PLAGL1: variants seen among roughly 807,000 people sequenced by gnomAD.
PLAGL1 encodes the protein PLAG1 like zinc finger 1, also known as zinc finger protein PLAGL1.
In PLAGL1, 1 loss-of-function variant was observed where a neutral mutation model predicts 4.6. That is an observed-to-expected ratio of 0.22 (90% CI 0.08 to 1.03). PLAGL1 has a LOEUF of 1.03. Ranked by LOEUF, PLAGL1 falls within the 50% of genes least tolerant of loss-of-function variation. PLAGL1 has a pLI of 0.58. For missense variants in PLAGL1, 464 were observed against 570.4 expected, an observed-to-expected ratio of 0.81 and a Z score of 1.90; for synonymous variants, 240 against 237.8, an observed-to-expected ratio of 1.01 and a Z score of -0.08.
Position 143,942,042 on chromosome 6 carries a change from A to C in PLAGL1, c.774T>G (p.Ala258=). 13 of 1,607,408 alleles carry C rather than the reference A, an allele frequency of 8.1e-6. No homozygotes were observed. The highest frequency in any genetic ancestry group is 1.1e-5 in the Non-Finnish European group (13 of 1,176,590). Residue 258 remains alanine (A), a synonymous_variant, in exon 8 of 8, where the codon GCT becomes GCG. Transcript: ENST00000674357. The surrounding 1 kb of genome is among the most constrained non-coding windows in gnomAD (Gnocchi z 7.6). The stretch of plus-strand genomic sequence containing the variant: ...GACTGAGGGTGAGGCTATGGACCTC[A>C]GCTGGCAAGCTACTTGCAAGCCCGT... ...AQNGLASSLP[A]EVHSLTLSPP...
At chr6:144,010,520 C>T (rs939136811), upstream of PLAGL1, among the ~76,000 whole-genome samples, 3 of 152,136 alleles carry the variant, frequency 2.0e-5, no homozygotes, top group Non-Finnish European at 4.4e-5. This position sits in a 1 kb window ranked among gnomAD's most constrained non-coding sequence, Gnocchi z 4.1. Flanking sequence ...ATGAAAATTG[C>T]CATACTGCCC....
chr6:143,993,830 T>C (rs769135142), intron 1 of PLAGL1, among the ~76,000 whole-genome samples: 1 of 152,132 alleles, frequency 6.6e-6, no homozygotes, highest in African/African-American at 2.4e-5. Context: ...TCTAGGGCTG[T>C]GTTTACTAGC....
intron 1 of PLAGL1, among the ~76,000 whole-genome samples, chr6:144,026,012 T>A (rs1055984674): frequency 6.6e-6 from 1 of 152,216 alleles, no homozygotes; most frequent in Non-Finnish European, 1.5e-5. Flanking sequence ...CAACTAATAA[T>A]GGACAAAATC....
Position 144,036,763 on chromosome 6 carries a change from C to T in PLAGL1, c.-151+27705G>A. On this transcript the variant is annotated intron_variant, in intron 1 of 3. Transcript: ENST00000437412. This position sits in a 1 kb window ranked among gnomAD's most constrained non-coding sequence, Gnocchi z 5.1. Reference sequence around the variant, plus strand: ...ATTGTGCAACTTCCAGAAAACTGCTCTAAGACAAGCAAGAAGGCAGACCTG... The same window carrying T: ...ATTGTGCAACTTCCAGAAAACTGCTTTAAGACAAGCAAGAAGGCAGACCTG... 1 of 330,692 alleles carries T rather than the reference C, an allele frequency of 3.0e-6. No individual in the cohort carries two copies. The highest frequency in any genetic ancestry group is 2.2e-5 in the African/African-American group (1 of 44,524). The allele number at this position is 330,692 out of a possible 1,614,324, so 20.5% of individuals were successfully genotyped here.
At position 144,005,929 on chromosome 6, in the gene PLAGL1, T is replaced by C. The variant is rs1794075545; in HGVS notation, c.-584+2161A>G. The C allele has an allele frequency of 6.6e-6, 1 of 152,134 alleles. No individual in the cohort carries two copies. The highest frequency in any genetic ancestry group is 2.1e-4 in the South Asian group (1 of 4,832). 9.4% of individuals were successfully genotyped at this position (152,134 alleles called of 1,614,324 possible). Reference sequence around the variant, plus strand: ...TGAAAGTCTGTAAAGTTCTGTGATTTTTATATACTTTTTAGTATTTCGTTT... The same window carrying C: ...TGAAAGTCTGTAAAGTTCTGTGATTCTTATATACTTTTTAGTATTTCGTTT... On this transcript the variant is annotated intron_variant, in intron 1 of 7. Transcript: ENST00000674357. The surrounding 1 kb of genome is among the most constrained non-coding windows in gnomAD (Gnocchi z 4.6).
chr6:144,027,261 A>AAGAC lies in PLAGL1; in HGVS notation c.-151+37206_-151+37207insGTCT, dbSNP rs1796430976. ...AAAGAAAGAAAGAAAGAAAGAAAGA[A>AAGAC]AGAAAGAAAGAAAGAAAGAAAGAAA... On this transcript the variant is annotated intron_variant, in intron 1 of 3. Coordinates refer to the PLAGL1 transcript ENST00000437412. This position sits in a 1 kb window ranked among gnomAD's most constrained non-coding sequence, Gnocchi z 5.8. Among the ~76,000 whole-genome samples the AAGAC allele has an allele frequency of 6.9e-6, 1 of 145,844 alleles. No homozygotes were observed. The highest frequency in any genetic ancestry group is 1.5e-5 in the Non-Finnish European group (1 of 66,328).
chr6:143,957,301 G>A lies in PLAGL1; in HGVS notation c.-325+3168C>T, dbSNP rs541243711. On this transcript the variant is annotated intron_variant, in intron 6 of 7. Transcript: ENST00000674357. This position sits in a 1 kb window ranked among gnomAD's most constrained non-coding sequence, Gnocchi z 4.2. ...AATGAAGACTCTCAGGAGTCTGGTG[G>A]GGGGGTGAGGGGTGGAGAGCAACTC... 5.9e-5 allele frequency among the ~76,000 whole-genome samples: 2 copies of A among 33,854 alleles called. No individual in the cohort carries two copies. Among genetic ancestry groups the A allele is most frequent in the Non-Finnish European group, 2.0e-4 (2 of 10,064 alleles). 22.2% of individuals were successfully genotyped at this position (33,854 alleles called of 152,430 possible).
chr6:143,974,467 T>C (rs1217823454), intron 2 of PLAGL1, among the ~76,000 whole-genome samples: 2 of 152,020 alleles, frequency 1.3e-5, no homozygotes, highest in Admixed American at 6.6e-5. Flanking sequence ...TCAAAGATGC[T>C]ATTTTGTATA....
chr6:144,014,422 C>T (rs1795427412), intron 1 of PLAGL1, among the ~76,000 whole-genome samples: 1 of 151,866 alleles, frequency 6.6e-6, no homozygotes, highest in Non-Finnish European at 1.5e-5. Context: ...GAGCAAGACT[C>T]TGTCTCAAAA....
At chr6:144,025,792 C>A (rs1434906321) in intron 1 of PLAGL1, among the ~76,000 whole-genome samples, 1 of 152,140 alleles carries the variant, frequency 6.6e-6, no homozygotes, top group Non-Finnish European at 1.5e-5. Context: ...ACTCAGGAGG[C>A]TGAGGCAGGA....
Position 144,027,267 on chromosome 6 carries a change from GAA to G in PLAGL1, c.-151+37199_-151+37200del, listed in dbSNP as rs773559376. Among the ~76,000 whole-genome samples, 418 of 146,356 alleles carry G rather than the reference GAA, an allele frequency of 2.9e-3. 4 individuals are homozygous for G. Among genetic ancestry groups the G allele is most frequent in the Middle Eastern group, 0.014 (4 of 284 alleles). ...AGAAAGAAAGAAAGAAAGAAAGAAA[GAA>G]AGAAAGAAAGAAAGAAAGAAAGAAA... On this transcript the variant is annotated intron_variant, in intron 1 of 3. Coordinates refer to the PLAGL1 transcript ENST00000437412. The surrounding 1 kb of genome is among the most constrained non-coding windows in gnomAD (Gnocchi z 5.8).
rs1795516083 is a variant in PLAGL1 at position 144,015,670 on chromosome 6, A to C, written c.-150-46692T>G. Among the ~76,000 whole-genome samples, 1 of 152,220 alleles carries C rather than the reference A, an allele frequency of 6.6e-6. No homozygotes were observed. The highest frequency in any genetic ancestry group is 2.4e-5 in the African/African-American group (1 of 41,450). The stretch of plus-strand genomic sequence containing the variant: ...CCAATGATTAATGCAAATCAAAACT[A>C]CAGTGAAATACCGCTACATACCCAC... On this transcript the variant is annotated intron_variant, in intron 1 of 3. Transcript: ENST00000437412. The surrounding 1 kb of genome is among the most constrained non-coding windows in gnomAD (Gnocchi z 4.3).
rs1253198177 is a variant in PLAGL1, at chr6:143,964,535, A to G, written c.-399+252T>C. The stretch of plus-strand genomic sequence containing the variant: ...AAATGCAGACTTGTGGGGCACCTCA[A>G]TAAAGTGCAGAATCTTAGAACAGTG... On this transcript the variant is annotated intron_variant, in intron 5 of 7. Transcript: ENST00000674357. This position sits in a 1 kb window ranked among gnomAD's most constrained non-coding sequence, Gnocchi z 4.3. Among the ~76,000 whole-genome samples, 2 of 152,224 alleles carry G rather than the reference A, an allele frequency of 1.3e-5. No individual in the cohort carries two copies. Among genetic ancestry groups the G allele is most frequent in the African/African-American group, 2.4e-5 (1 of 41,458 alleles).
In PLAGL1 at chr6:144,056,675, T is replaced by TTTGTTC. The variant is rs1799000333; in HGVS notation, c.-151+7792_-151+7793insGAACAA. On this transcript the variant is annotated intron_variant, in intron 1 of 3. Transcript: ENST00000437412. This position sits in a 1 kb window ranked among gnomAD's most constrained non-coding sequence, Gnocchi z 4.7. ...ATAGCTCTTTGTTTTTGTTTTTGTTTTTTTAAATTTAGACAGGTTATCGCT... is the reference window on the plus strand; with the variant it reads ...ATAGCTCTTTGTTTTTGTTTTTGTTTTTGTTCTTTTAAATTTAGACAGGTTATCGCT... 6.6e-6 allele frequency among the ~76,000 whole-genome samples: 1 copy of TTTGTTC among 152,012 alleles called. No homozygotes were observed. Among genetic ancestry groups the TTTGTTC allele is most frequent in the South Asian group, 2.1e-4 (1 of 4,826 alleles).
rs151089542 is a variant in PLAGL1 at position 144,001,235 on chromosome 6, G to GA, written c.-584+6854dup. Among the ~76,000 whole-genome samples the GA allele has an allele frequency of 8.2e-3, 1,239 of 151,580 alleles. 72 individuals carry two copies. In the East Asian group the frequency reaches 0.15, roughly 18 times the overall value. On this transcript the variant is annotated intron_variant, in intron 1 of 7. Coordinates refer to ENST00000674357, the MANE Select transcript of PLAGL1 (RefSeq NM_001317162.2). ...TTCAAAAGGACAAAAGTACCAACCTGAAAAAATCCCAATGCCAAAGCTGGA... is the reference window on the plus strand; with the variant it reads ...TTCAAAAGGACAAAAGTACCAACCTGAAAAAAATCCCAATGCCAAAGCTGGA...
In PLAGL1 at chr6:144,022,578, T is replaced by A. The variant is rs1291250370; in HGVS notation, c.-151+41890A>T. Reference sequence around the variant, plus strand: ...TAATTCCCATGTGTTGTGGGAGGGATCTGGTGCTGGTAATTGAATCATGGG... The same window carrying A: ...TAATTCCCATGTGTTGTGGGAGGGAACTGGTGCTGGTAATTGAATCATGGG... On this transcript the variant is annotated intron_variant, in intron 1 of 3. Transcript: ENST00000437412. This position sits in a 1 kb window ranked among gnomAD's most constrained non-coding sequence, Gnocchi z 4.2. Among the ~76,000 whole-genome samples the A allele has an allele frequency of 6.6e-6, 1 of 152,016 alleles. No individual in the cohort carries two copies. The highest frequency in any genetic ancestry group is 1.5e-5 in the Non-Finnish European group (1 of 68,008).
At position 143,948,541 on chromosome 6, in the gene PLAGL1, C is replaced by G. The variant is rs1780300372; in HGVS notation, c.-324-81G>C. 3 of 178,690 alleles carry G rather than the reference C, an allele frequency of 1.7e-5. 1 individual carries two copies. The highest frequency in any genetic ancestry group is 2.6e-4 in the South Asian group (2 of 7,660). The allele number at this position is 178,690 out of a possible 1,614,324, so 11.1% of individuals were successfully genotyped here. On this transcript the variant is annotated intron_variant, in intron 6 of 7. Coordinates refer to ENST00000674357, the MANE Select transcript of PLAGL1 (RefSeq NM_001317162.2). This position sits in a 1 kb window ranked among gnomAD's most constrained non-coding sequence, Gnocchi z 6.0. ...TCCTCCCTGACCGCTTCAGAATCAA[C>G]TACCCACAATCAACACGTTCCTTTA...
At chr6:144,047,006 G>A (rs745864002) in intron 1 of PLAGL1, among the ~76,000 whole-genome samples, 1 of 152,216 alleles carries the variant, frequency 6.6e-6, no homozygotes, top group Non-Finnish European at 1.5e-5. Context: ...GCTGAGCCAG[G>A]AGCAGGATAT....
chr6:143,996,362 G>A (rs1164706497), intron 1 of PLAGL1, among the ~76,000 whole-genome samples: 2 of 152,226 alleles, frequency 1.3e-5, no homozygotes, highest in African/African-American at 4.8e-5. Context: ...CGTTTATTAA[G>A]CACCTACAAA....
Sources: allele counts gnomAD v4.1 joint callset (sites outside exome capture counted in the v4.1 genomes callset), GRCh38; gene constraint gnomAD v4.1.1; non-coding constraint Gnocchi (gnomAD v3.1); transcripts MANE v1.5; gene names NCBI Gene and HGNC (gene_info 2026-07-23, HGNC 2026-07-21).